Variants in XYLB observed in about 807,000 individuals in gnomAD.
XYLB encodes the protein xylulose kinase.
Under a neutral mutation model 78.7 loss-of-function variants are expected in XYLB, and 62 were observed. The observed-to-expected ratio is 0.79, with a 90% CI of 0.64 to 0.97. The LOEUF is 0.97. XYLB is among the 50% of genes least tolerant of loss of function. The pLI is 0.00. For missense variants in XYLB, 687 were observed against 676.8 expected, an observed-to-expected ratio of 1.02 and a Z score of -0.17; for synonymous variants, 245 against 247.4, an observed-to-expected ratio of 0.99 and a Z score of 0.09.
At chr3:38,441,976 C>G in the XYLB span, among the ~76,000 whole-genome samples, 3 of 152,304 alleles carry the variant, frequency 2.0e-5, no homozygotes, top group Non-Finnish European at 4.4e-5. Context: ...GCTGTTTCTG[C>G]TTCTGGTTCC....
downstream of XYLB, among the ~76,000 whole-genome samples, chr3:38,416,499 C>T (rs1016859968): frequency 6.6e-6 from 1 of 152,062 alleles, no homozygotes; most frequent in Non-Finnish European, 1.5e-5. Context: ...TAAGTTAAAT[C>T]AGTACATGTG....
Position 38,372,635 on chromosome 3 carries a change from G to T in XYLB, c.766-20G>T, listed in dbSNP as rs1361161938. ...GGATTTACCTCAACAGAGCACCTTT[G>T]CTTTGTCCCCGTCCCTCAGGGAGCC... On this transcript the variant is annotated intron_variant, in intron 9 of 18. Transcript: ENST00000207870. The T allele has an allele frequency of 1.2e-6, 2 of 1,613,914 alleles. No individual in the cohort carries two copies. The highest frequency in any genetic ancestry group is 2.7e-5 in the African/African-American group (2 of 74,902).
the XYLB span, among the ~76,000 whole-genome samples, chr3:38,435,359 T>C: frequency 1.3e-5 from 2 of 152,086 alleles, no homozygotes; most frequent in Non-Finnish European, 2.9e-5. Flanking sequence ...AGTCATTTTA[T>C]AATGATAAAG....
intron 9 of XYLB, among the ~76,000 whole-genome samples, chr3:38,371,737 C>T (rs1285499396): frequency 2.0e-5 from 3 of 152,150 alleles, no homozygotes; most frequent in African/African-American, 7.2e-5. Flanking sequence ...CCTCTGCCAC[C>T]ATGAGGCAGA....
chr3:38,421,877 G>A (rs967201344), downstream of XYLB, among the ~76,000 whole-genome samples: 4 of 152,118 alleles, frequency 2.6e-5, no homozygotes, highest in Admixed American at 1.3e-4. Flanking sequence ...GACACTGGGC[G>A]AAAAGTAGTT....
chr3:38,368,163 T>C (rs1209920594), intron 7 of XYLB, 22 bp from the exon 8 acceptor site: 1 of 1,612,498 alleles, frequency 6.2e-7, no homozygotes, highest in African/African-American at 1.3e-5. Context: ...GAGGCACCTC[T>C]CACTGTTTCT....
At chr3:38,374,940 T>C (rs1706770459) in intron 11 of XYLB, among the ~76,000 whole-genome samples, 1 of 152,098 alleles carries the variant, frequency 6.6e-6, no homozygotes, top group African/African-American at 2.4e-5. Context: ...AGAAGATCCA[T>C]GAGATCTGCA....
chr3:38,368,108 T>C, intron 7 of XYLB, 77 bp from the exon 8 acceptor site: 1 of 1,390,746 alleles, frequency 7.2e-7, no homozygotes. Context: ...TTTTTCATGC[T>C]TTGTGTGTGT....
intron 15 of XYLB, among the ~76,000 whole-genome samples, chr3:38,379,970 G>A (rs1311540597): frequency 1.3e-5 from 2 of 152,190 alleles, no homozygotes; most frequent in African/African-American, 4.8e-5. Context: ...TGCTAGTAGG[G>A]CTCTCTGCAG....
downstream of XYLB, among the ~76,000 whole-genome samples, chr3:38,418,968 T>G (rs1708888667): frequency 6.6e-6 from 1 of 152,184 alleles, no homozygotes. Flanking sequence ...ATTACCAATA[T>G]TATGCTACCA....
At chr3:38,371,188 A>G (rs1458462821) in intron 9 of XYLB, among the ~76,000 whole-genome samples, 1 of 152,240 alleles carries the variant, frequency 6.6e-6, no homozygotes, top group East Asian at 1.9e-4. Context: ...TAGCTACGGC[A>G]GCCACCAACT....
At chr3:38,424,418 A>C (rs1378255457), downstream of XYLB, among the ~76,000 whole-genome samples, 1 of 152,268 alleles carries the variant, frequency 6.6e-6, no homozygotes, top group Non-Finnish European at 1.5e-5. Context: ...TCTTAATTGC[A>C]AACCCATTTA....
At chr3:38,371,603 G>T (rs1221154148) in intron 9 of XYLB, among the ~76,000 whole-genome samples, 1 of 152,068 alleles carries the variant, frequency 6.6e-6, no homozygotes. Flanking sequence ...TAGTGACAGG[G>T]TCTCACTATG....
chr3:38,376,083 GC>G, intron 12 of XYLB, 33 bp from the exon 13 acceptor site: 1 of 1,456,080 alleles, frequency 6.9e-7, no homozygotes. Flanking sequence ...GCAAGCACCA[GC>G]TCCCTCCCTC....
intron 2 of XYLB, among the ~76,000 whole-genome samples, chr3:38,349,995 C>T (rs1448899952): frequency 6.6e-6 from 1 of 152,168 alleles, no homozygotes; most frequent in African/African-American, 2.4e-5. Flanking sequence ...CCAAGGCCCT[C>T]GGGGTTAGGA....
At chr3:38,364,452 T>A (rs951898562) in intron 4 of XYLB, among the ~76,000 whole-genome samples, 1 of 151,830 alleles carries the variant, frequency 6.6e-6, no homozygotes, top group African/African-American at 2.4e-5. Context: ...ACCTCCAAGA[T>A]AAACCCCAGC....
chr3:38,441,565 G>A, the XYLB span, among the ~76,000 whole-genome samples: 1 of 152,188 alleles, frequency 6.6e-6, no homozygotes, highest in Non-Finnish European at 1.5e-5. Context: ...GCAGGGTTGA[G>A]GGCTGCACAC....
chr3:38,362,090 C>T lies in XYLB; in HGVS notation c.211-847C>T, dbSNP rs112789520. Among the ~76,000 whole-genome samples the T allele has an allele frequency of 9.1e-3, 1,379 of 152,310 alleles. 24 individuals are homozygous for T. The highest frequency in any genetic ancestry group is 0.031 in the African/African-American group (1,275 of 41,566). ...ATCATCTCTATCCACTCCCTCCAGC[C>T]TCTGGCTCCTGGACACAGGGAGTCT... On this transcript the variant is annotated intron_variant, in intron 3 of 18. Transcript: ENST00000207870.
intron 17 of XYLB, among the ~76,000 whole-genome samples, chr3:38,398,083 A>G (rs917134987): frequency 3.7e-4 from 56 of 151,784 alleles, no homozygotes; most frequent in East Asian, 8.0e-4. Flanking sequence ...CTCCCAAAGT[A>G]CTGGGATTAC....
Sources: allele counts gnomAD v4.1 joint callset (sites outside exome capture counted in the v4.1 genomes callset), GRCh38; gene constraint gnomAD v4.1.1; transcripts MANE v1.5; gene names NCBI Gene and HGNC (gene_info 2026-07-23, HGNC 2026-07-21).